The following UBE3D variants were observed in gnomAD, a reference collection of about 807,000 sequenced individuals.
The protein encoded by UBE3D is ubiquitin protein ligase E3D, also known as E3 ubiquitin-protein ligase E3D.
Under a neutral mutation model 49.6 loss-of-function variants are expected in UBE3D, and 48 were observed. The observed-to-expected ratio is 0.97, with a 90% CI of 0.77 to 1.23. UBE3D has a LOEUF of 1.23. Ranked by LOEUF, UBE3D falls within the 50% of genes most tolerant of loss-of-function variation. UBE3D has a pLI of 0.00. For missense variants in UBE3D, 452 were observed against 468.4 expected (o/e 0.96, Z 0.32); for synonymous variants, 189 against 174.2 (o/e 1.08, Z -0.67).
chr6:83,011,127 T>C (rs528723044), intron 8 of UBE3D, among the ~76,000 whole-genome samples: 2 of 152,282 alleles, frequency 1.3e-5, no homozygotes, highest in East Asian at 3.9e-4. Context: ...CTCTATTCCA[T>C]AAAGTTAACA....
rs531796939 is a variant in UBE3D at position 83,027,293 on chromosome 6, G to A, written c.668-3255C>T. On this transcript the variant is annotated intron_variant, in intron 5 of 9. Transcript: ENST00000369747. ...TCTACTAAAAATACAAAAATTAGCC[G>A]GGCGTGGAGGTGCATGTGTGTAATC... is the stretch of plus-strand genomic sequence containing the variant. 1.8e-4 allele frequency among the ~76,000 whole-genome samples: 28 copies of A among 151,588 alleles called. No individual in the cohort carries two copies. The East Asian group carries it at 3.9e-3, about 21-fold the overall frequency.
chr6:82,895,390 C>T (rs542203435), intron 9 of UBE3D, among the ~76,000 whole-genome samples: 2 of 152,218 alleles, frequency 1.3e-5, no homozygotes, highest in South Asian at 4.1e-4. Flanking sequence ...ATTTTGTGTA[C>T]TGACGGGCGT....
At chr6:83,003,195 A>G (rs191253888) in intron 8 of UBE3D, among the ~76,000 whole-genome samples, 267 of 152,276 alleles carry the variant, frequency 1.8e-3, no homozygotes, top group African/African-American at 6.2e-3. Flanking sequence ...AAAACATAGA[A>G]CAGAGAAGAA....
At chr6:83,064,677 T>A (rs1192440711) in intron 1 of UBE3D, among the ~76,000 whole-genome samples, 1 of 152,180 alleles carries the variant, frequency 6.6e-6, no homozygotes, top group African/African-American at 2.4e-5. Flanking sequence ...TGGAGATATT[T>A]GTCCAAATTC....
At position 82,996,365 on chromosome 6, in the gene UBE3D, G is replaced by T. The variant is rs570261057; in HGVS notation, c.1010+22608C>A. On this transcript the variant is annotated intron_variant, in intron 8 of 9. Transcript: ENST00000369747. Reference sequence around the variant, plus strand: ...AAATAAATAAATAAATAAAATCATAGTATGGATTATAACCCAAATTATAAA... The same window carrying T: ...AAATAAATAAATAAATAAAATCATATTATGGATTATAACCCAAATTATAAA... Among the ~76,000 whole-genome samples, 4 of 151,404 alleles carry T rather than the reference G, an allele frequency of 2.6e-5. No homozygotes were observed. The East Asian group carries it at 7.8e-4, about 29-fold the overall frequency.
chr6:83,055,735 T>C (rs1049818200), intron 2 of UBE3D, among the ~76,000 whole-genome samples: 1 of 152,206 alleles, frequency 6.6e-6, no homozygotes, highest in African/African-American at 2.4e-5. Flanking sequence ...AGTATACCAG[T>C]ATGATGTTTA....
At position 82,966,374 on chromosome 6, in the gene UBE3D, G is replaced by A. The variant is rs190021084; in HGVS notation, c.1011-8924C>T. Among the ~76,000 whole-genome samples, 287 of 72,154 alleles carry A rather than the reference G, an allele frequency of 4.0e-3. 53 individuals carry two copies. Among genetic ancestry groups the A allele is most frequent in the Admixed American group, 0.026 (219 of 8,402 alleles). 47.3% of individuals were successfully genotyped at this position (72,154 alleles called of 152,430 possible). ...TATACTTAAAAACCACTGAGGGCCGGGCGCGGTGGCTCACGCCTGTAATCC... is the reference window on the plus strand; with the variant it reads ...TATACTTAAAAACCACTGAGGGCCGAGCGCGGTGGCTCACGCCTGTAATCC... On this transcript the variant is annotated intron_variant, in intron 8 of 9. Transcript: ENST00000369747.
Position 83,057,965 on chromosome 6 carries a change from C to A in UBE3D, c.135G>T (p.Gln45His), listed in dbSNP as rs755223808. ...MNISIMPSSL[Q>H]MKTPEGCTEI... ...CTGTGCAGCCTTCAGGGGTTTTCAT[C>A]TGGAGTGAAGATGGCATTATGGAAA... Residue 45 changes from glutamine (Q) to histidine (H), a missense_variant, in exon 2 of 10, where the codon CAG (glutamine) becomes CAT (histidine). Gln to His is a conservative substitution (Grantham distance 24). Transcript: ENST00000369747. The A allele has an allele frequency of 6.2e-7, 1 of 1,614,054 alleles. No homozygotes were observed. Among genetic ancestry groups the A allele is most frequent in the Non-Finnish European group, 8.5e-7 (1 of 1,180,046 alleles).
chr6:83,037,656 A>G (rs1262598807), intron 5 of UBE3D: 1 of 152,220 alleles, frequency 6.6e-6, no homozygotes, highest in Admixed American at 6.5e-5. Context: ...TGTAAATCAC[A>G]TCTTCTAATT....
chr6:83,038,420 T>A lies in UBE3D; in HGVS notation c.663A>T (p.Ser221=). 1.2e-6 allele frequency: 2 copies of A among 1,611,832 alleles called. No individual in the cohort carries two copies. The highest frequency in any genetic ancestry group is 1.7e-6 in the Non-Finnish European group (2 of 1,179,372). ...RCKVMLGETV[S]SETTKFYMTE... ...TTCTTGTTATGAAATTCTTACCTGA[T>A]GACACGGTCTCTCCCAACATTACCT... The change falls in exon 5 of 10, where the codon TCA becomes TCT. Residue 221 remains serine, a synonymous_variant. Coordinates refer to ENST00000369747, the MANE Select transcript of UBE3D (RefSeq NM_198920.3).
chr6:83,017,347 G>T (rs1454255096), intron 8 of UBE3D: 1 of 151,880 alleles, frequency 6.6e-6, no homozygotes, highest in African/African-American at 2.4e-5. Context: ...TGAATATAAA[G>T]GGTTTTAATA....
In UBE3D at chr6:83,044,643, G is replaced by A. The variant is rs753813517; in HGVS notation, c.382C>T (p.Leu128Phe). Reference sequence around the variant, plus strand: ...CCCCAGTTCTCACTCGGCAGTGGGAGCACCCTGAGGAGCTTCCTAGTGGAA... The same window carrying A: ...CCCCAGTTCTCACTCGGCAGTGGGAACACCCTGAGGAGCTTCCTAGTGGAA... ...IIKDRKLLRV[L>F]PLPSENWGAL... Residue 128 changes from leucine (L) to phenylalanine (F), a missense_variant, in exon 4 of 10, where the codon CTC becomes TTC. Transcript: ENST00000369747. 2.7e-5 allele frequency: 44 copies of A among 1,613,538 alleles called. No individual in the cohort carries two copies. The highest frequency in any genetic ancestry group is 1.5e-5 in the Non-Finnish European group (18 of 1,179,668).
At chr6:82,881,172 C>T in the UBE3D span, among the ~76,000 whole-genome samples, 20,179 of 152,140 alleles carry the variant, frequency 0.13, 1,457 homozygotes, top group Middle Eastern at 0.18. Context: ...TGGAGAGAAT[C>T]CTGCATGTAT....
Position 82,937,723 on chromosome 6 carries a change from A to G in UBE3D, c.1149+19589T>C, listed in dbSNP as rs9359551. On this transcript the variant is annotated intron_variant, in intron 9 of 9. Coordinates refer to ENST00000369747, the MANE Select transcript of UBE3D (RefSeq NM_198920.3). ...AAAAGGGGAAGCCGAAAGTGCAAAA[A>G]GTCTAAGGGAGGGTAGAGAAGGAAG... Among the ~76,000 whole-genome samples, 241 of 152,352 alleles carry G rather than the reference A, an allele frequency of 1.6e-3. 3 individuals are homozygous for G. In the East Asian group the frequency reaches 0.041, roughly 26 times the overall value.
At chr6:82,941,141 G>A (rs1774981855) in intron 9 of UBE3D, among the ~76,000 whole-genome samples, 1 of 152,050 alleles carries the variant, frequency 6.6e-6, no homozygotes, top group African/African-American at 2.4e-5. Context: ...AAGAGGCGGA[G>A]GTTGCAATGA....
chr6:82,882,943 A>C, the UBE3D span, among the ~76,000 whole-genome samples: 1 of 152,160 alleles, frequency 6.6e-6, no homozygotes, highest in South Asian at 2.1e-4. Context: ...TAACTAGACA[A>C]TAAATTTCTG....
chr6:83,047,220 A>G (rs1028738757), intron 3 of UBE3D, among the ~76,000 whole-genome samples: 1 of 152,234 alleles, frequency 6.6e-6, no homozygotes, highest in African/African-American at 2.4e-5. Flanking sequence ...CCTGGAAACC[A>G]GGTAAGAGCT....
chr6:82,910,126 G>A (rs1479343278), intron 9 of UBE3D, among the ~76,000 whole-genome samples: 1 of 152,154 alleles, frequency 6.6e-6, no homozygotes, highest in Non-Finnish European at 1.5e-5. Context: ...CTGTGACACA[G>A]TCCACACACA....
chr6:83,031,517 G>A (rs1482892443), intron 5 of UBE3D, among the ~76,000 whole-genome samples: 1 of 152,178 alleles, frequency 6.6e-6, no homozygotes, highest in Non-Finnish European at 1.5e-5. Context: ...GTGTGATCTG[G>A]CTGTGAGACA....
Sources: allele counts gnomAD v4.1 joint callset (sites outside exome capture counted in the v4.1 genomes callset), GRCh38; gene constraint gnomAD v4.1.1; transcripts MANE v1.5; gene names NCBI Gene and HGNC (gene_info 2026-07-23, HGNC 2026-07-21).